Variants in GABRB2 observed in about 807,000 individuals in gnomAD.
GABRB2 encodes gamma-aminobutyric acid type A receptor subunit beta2.
Under a neutral mutation model 54.7 loss-of-function variants are expected in GABRB2, and 16 were observed. That is an observed-to-expected ratio of 0.29 (90% CI 0.20 to 0.44). The LOEUF is 0.44. GABRB2 is among the 20% of genes least tolerant of loss of function. The pLI, the probability that GABRB2 is intolerant of heterozygous loss-of-function variation, is 1.00. For synonymous variants in GABRB2, 244 were observed against 233.8 expected (o/e 1.04, Z -0.40); for missense variants, 355 against 644.0 (o/e 0.55, Z 4.86).
chr5:161,524,716 T>G (rs1203839395), intron 3 of GABRB2, among the ~76,000 whole-genome samples: 1 of 151,374 alleles, frequency 6.6e-6, no homozygotes. Context: ...CTGTTTTTAA[T>G]GCAAACCTCA....
intron 4 of GABRB2, among the ~76,000 whole-genome samples, chr5:161,451,091 C>A (rs1287271110): frequency 1.3e-5 from 2 of 152,122 alleles, no homozygotes; most frequent in Non-Finnish European, 2.9e-5. Context: ...ACTACTCAGT[C>A]ATCCTGTGGT....
intron 5 of GABRB2, among the ~76,000 whole-genome samples, chr5:161,390,789 C>T (rs991926089): frequency 6.6e-6 from 1 of 152,090 alleles, no homozygotes; most frequent in Non-Finnish European, 1.5e-5. Flanking sequence ...TCTCCCAAAT[C>T]TTTGCATCTA....
chr5:161,425,344 T>G (rs997140535), intron 4 of GABRB2, among the ~76,000 whole-genome samples: 1 of 152,058 alleles, frequency 6.6e-6, no homozygotes, highest in Non-Finnish European at 1.5e-5. Flanking sequence ...TTCATTGTTG[T>G]CTTATTTTAA....
intron 3 of GABRB2, among the ~76,000 whole-genome samples, chr5:161,527,120 CAT>C (rs1760307880): frequency 6.6e-6 from 1 of 151,438 alleles, no homozygotes; most frequent in African/African-American, 2.4e-5. Flanking sequence ...ATTAAAACCA[CAT>C]AGTGTTGGCA....
At chr5:161,503,030 C>T (rs888288994) in intron 3 of GABRB2, among the ~76,000 whole-genome samples, 3 of 151,850 alleles carry the variant, frequency 2.0e-5, no homozygotes, top group African/African-American at 7.3e-5. Context: ...AGATGAAAAA[C>T]ATTAAAGGAA....
chr5:161,336,814 C>CAAAAAAAAAAAAAAAAACA, intron 5 of GABRB2, 45 bp from the exon 6 acceptor site: 1 of 1,105,796 alleles, frequency 9.0e-7, no homozygotes, highest in Non-Finnish European at 1.2e-6. Context: ...ATACAGAAAA[C>CAAAAAAAAAAAAAAAAACA]AAAAAAAAAA....
At chr5:161,547,672 G>T (rs1207706464), upstream of GABRB2, among the ~76,000 whole-genome samples, 1 of 152,154 alleles carries the variant, frequency 6.6e-6, no homozygotes, top group Non-Finnish European at 1.5e-5. Context: ...GGGTTTGCAT[G>T]AGGGGGAGAT....
At position 161,301,203 on chromosome 5, in the gene GABRB2, C is replaced by T. The variant is rs148698204; in HGVS notation, c.1192-6775G>A. On this transcript the variant is annotated intron_variant, in intron 9 of 9. Transcript: ENST00000393959. ...GCATTCTCAAAACTCTCCTCAATTA[C>T]GAGTTCTGTCTTGGTGTGCCTTCTC... Among the ~76,000 whole-genome samples the T allele has an allele frequency of 4.6e-5, 7 of 152,206 alleles. No individual in the cohort carries two copies. The East Asian group carries it at 5.8e-4, about 13-fold the overall frequency.
intron 4 of GABRB2, among the ~76,000 whole-genome samples, chr5:161,442,375 G>A (rs1357644992): frequency 6.6e-6 from 1 of 152,164 alleles, no homozygotes; most frequent in African/African-American, 2.4e-5. Flanking sequence ...TCAACTTGGG[G>A]GAAATTAGTG....
chr5:161,521,642 G>A (rs948672994), intron 3 of GABRB2, among the ~76,000 whole-genome samples: 3 of 151,864 alleles, frequency 2.0e-5, no homozygotes, highest in Admixed American at 1.3e-4. Flanking sequence ...GTCCCAGAAT[G>A]TGGTAAAAAT....
At chr5:161,415,177 T>TGAAACAGC (rs1226522441) in intron 4 of GABRB2, among the ~76,000 whole-genome samples, 1 of 152,214 alleles carries the variant, frequency 6.6e-6, no homozygotes, top group Non-Finnish European at 1.5e-5. Flanking sequence ...AAGACCATTG[T>TGAAACAGC]GAAACAGCTC....
intron 3 of GABRB2, among the ~76,000 whole-genome samples, chr5:161,496,550 G>GA (rs398050906): frequency 2.3e-4 from 33 of 143,882 alleles, no homozygotes; most frequent in Non-Finnish European, 3.8e-4. Flanking sequence ...CTGGAAGTCA[G>GA]AAAAAAAAAA....
At chr5:161,449,421 ACT>A (rs1561654113) in intron 4 of GABRB2, among the ~76,000 whole-genome samples, 3 of 152,038 alleles carry the variant, frequency 2.0e-5, no homozygotes, top group African/African-American at 7.2e-5. Context: ...TCTAATTAAA[ACT>A]CTGCTTTAAG....
chr5:161,379,139 GC>G (rs1484164383), intron 5 of GABRB2, among the ~76,000 whole-genome samples: 1 of 152,000 alleles, frequency 6.6e-6, no homozygotes, highest in Non-Finnish European at 1.5e-5. Flanking sequence ...AGTGAATCTG[GC>G]CCCCTTAAAA....
chr5:161,352,541 C>T (rs897664768), intron 5 of GABRB2, among the ~76,000 whole-genome samples: 6 of 151,848 alleles, frequency 4.0e-5, no homozygotes, highest in East Asian at 1.9e-4. Flanking sequence ...TGACGGTTAC[C>T]ACAGGCTGGC....
intron 5 of GABRB2, among the ~76,000 whole-genome samples, chr5:161,397,693 G>T (rs926212213): frequency 6.6e-6 from 1 of 152,164 alleles, no homozygotes; most frequent in Non-Finnish European, 1.5e-5. Context: ...AGGGACAGAA[G>T]AATCACTTCC....
chr5:161,463,551 TTATTTATATA>T lies in GABRB2; in HGVS notation c.238-3717_238-3708del, dbSNP rs1458325969. On this transcript the variant is annotated intron_variant, in intron 3 of 9. Coordinates refer to ENST00000393959, the MANE Select transcript of GABRB2 (RefSeq NM_001371727.1). ...GTTGACAAGGTGATTCCAAATATTT[TTATTTATATA>T]TATATATATATATATATATATATAT... is the stretch of plus-strand genomic sequence containing the variant. Among the ~76,000 whole-genome samples, 178 of 30,262 alleles carry T rather than the reference TTATTTATATA, an allele frequency of 5.9e-3. 8 individuals carry two copies. The highest frequency in any genetic ancestry group is 0.016 in the African/African-American group (149 of 9,354). 19.9% of individuals were successfully genotyped at this position (30,262 alleles called of 152,430 possible).
chr5:161,522,611 G>T (rs1581056463), intron 3 of GABRB2, among the ~76,000 whole-genome samples: 1 of 150,998 alleles, frequency 6.6e-6, no homozygotes, highest in Admixed American at 6.6e-5. Context: ...GTAACTCAAA[G>T]ATTTTGAGGA....
At chr5:161,394,544 A>T (rs981076000) in intron 5 of GABRB2, among the ~76,000 whole-genome samples, 1 of 152,078 alleles carries the variant, frequency 6.6e-6, no homozygotes, top group South Asian at 2.1e-4. Context: ...CATTAAAAGG[A>T]TAATAGGTGA....
Sources: gnomAD v4.1 joint callset for allele counts (sites outside exome capture counted in the v4.1 genomes callset) on GRCh38, gnomAD v4.1.1 for gene constraint, MANE v1.5 for transcripts, NCBI Gene and HGNC (gene_info 2026-07-23, HGNC 2026-07-21) for gene names.